The following WNT7B variants were observed in gnomAD, a reference collection of about 807,000 sequenced individuals.
WNT7B encodes the protein Wnt family member 7B.
Under a neutral mutation model 38.2 loss-of-function variants are expected in WNT7B, and 19 were observed. The observed-to-expected ratio is 0.50, with a 90% confidence interval of 0.35 to 0.73. WNT7B has a LOEUF of 0.73. WNT7B is among the 30% of genes least tolerant of loss of function. WNT7B has a pLI of 0.01. For missense variants in WNT7B, 423 were observed against 507.9 expected, an observed-to-expected ratio of 0.83 and a Z score of 1.61; for synonymous variants, 243 against 209.3, an observed-to-expected ratio of 1.16 and a Z score of -1.39.
At chr22:45,962,983 A>C (rs1932230791) in intron 1 of WNT7B, among the ~76,000 whole-genome samples, 1 of 152,174 alleles carries the variant, frequency 6.6e-6, no homozygotes, top group Non-Finnish European at 1.5e-5. Flanking sequence ...GCTGCCCTGG[A>C]CTTGGCTGAG....
At chr22:45,963,844 C>T (rs1569124317) in intron 1 of WNT7B, among the ~76,000 whole-genome samples, 1 of 152,200 alleles carries the variant, frequency 6.6e-6, no homozygotes. Flanking sequence ...AAGCAGGGGA[C>T]TCCCGCAACA....
intron 3 of WNT7B, chr22:45,926,287 T>G (rs1289990073): frequency 1.0e-6 from 1 of 985,270 alleles, no homozygotes; most frequent in East Asian, 1.1e-4. Context: ...AGAGACCACC[T>G]GGCAGGGCAC....
rs935852960 is a variant in WNT7B, at chr22:45,951,678, G to C, written c.72-1532C>G. 6.6e-6 allele frequency among the ~76,000 whole-genome samples: 1 copy of C among 152,166 alleles called. No homozygotes were observed. Among genetic ancestry groups the C allele is most frequent in the Non-Finnish European group, 1.5e-5 (1 of 68,042 alleles). ...CGTCTGGCTTCTTTCACTTAGCGTC[G>C]TGTTTTCAAGGGTCATCCACGTGGT... On this transcript the variant is annotated intron_variant, in intron 1 of 3. Coordinates refer to ENST00000339464, the MANE Select transcript of WNT7B (RefSeq NM_058238.3). This position sits in a 1 kb window ranked among gnomAD's most constrained non-coding sequence, Gnocchi z 4.8.
intron 3 of WNT7B, among the ~76,000 whole-genome samples, chr22:45,929,857 C>T (rs1401168623): frequency 1.5e-5 from 2 of 130,786 alleles, no homozygotes; most frequent in Non-Finnish European, 3.2e-5. Context: ...CCCACTCATC[C>T]TTCCATCCAT....
intron 1 of WNT7B, among the ~76,000 whole-genome samples, chr22:45,957,460 G>T (rs1932092247): frequency 6.6e-6 from 1 of 151,812 alleles, no homozygotes; most frequent in Non-Finnish European, 1.5e-5. Flanking sequence ...GAGGCGAGTG[G>T]GTCACCTAAG....
rs1377283656 is a variant in WNT7B, at chr22:45,965,805, C to T, written c.71+10879G>A. Among the ~76,000 whole-genome samples the T allele has an allele frequency of 1.3e-5, 2 of 152,210 alleles. No individual in the cohort carries two copies. The highest frequency in any genetic ancestry group is 4.8e-5 in the African/African-American group (2 of 41,452). On this transcript the variant is annotated intron_variant, in intron 1 of 3. Transcript: ENST00000339464. The surrounding 1 kb of genome is among the most constrained non-coding windows in gnomAD (Gnocchi z 6.5). ...ACCTTGAGACCCTCGCTCAGGGCCCCGGGGACTCTTGGTCAACACACAGTT... is the reference window on the plus strand; with the variant it reads ...ACCTTGAGACCCTCGCTCAGGGCCCTGGGGACTCTTGGTCAACACACAGTT...
chr22:45,938,077 A>G (rs1003030422), intron 2 of WNT7B, among the ~76,000 whole-genome samples: 4 of 152,194 alleles, frequency 2.6e-5, no homozygotes, highest in African/African-American at 9.7e-5. Context: ...AAGGACAAAG[A>G]CTAACGGGTG....
Position 45,921,785 on chromosome 22 carries a change from G to A in WNT7B, c.*1071C>T, listed in dbSNP as rs1479205998. 6.6e-6 allele frequency: 1 copy of A among 152,146 alleles called. No homozygotes were observed. Among genetic ancestry groups the A allele is most frequent in the Non-Finnish European group, 1.5e-5 (1 of 68,028 alleles). The allele number at this position is 152,146 out of a possible 1,614,324, so 9.4% of individuals were successfully genotyped here. A position where few individuals can be genotyped will look rare whatever the true frequency, so the allele number is the denominator to read the frequency against. ...TATTTTCTTTTCTTTTTTTGAGACA[G>A]AGTCGTGCTCTGTCACCCAAGTTGG... On this transcript the variant is annotated 3_prime_UTR_variant, in exon 4 of 4. Coordinates refer to ENST00000339464, the MANE Select transcript of WNT7B (RefSeq NM_058238.3).
chr22:45,926,381 G>GA, intron 3 of WNT7B: 2 of 985,412 alleles, frequency 2.0e-6, no homozygotes, highest in Non-Finnish European at 2.4e-6. Context: ...CGACGCTGGG[G>GA]GCCTGGTTGG....
At chr22:45,950,930 C>T (rs10448593) in intron 1 of WNT7B, among the ~76,000 whole-genome samples, 67,325 of 152,164 alleles carry the variant, frequency 0.44, 15,329 homozygotes, top group South Asian at 0.54. Context: ...CTTATTGCAA[C>T]ACTGCAGCCT....
intron 3 of WNT7B, among the ~76,000 whole-genome samples, chr22:45,930,419 T>G (rs1424044691): frequency 6.6e-6 from 1 of 152,224 alleles, no homozygotes; most frequent in Non-Finnish European, 1.5e-5. Context: ...GGCGTTCCAC[T>G]TGGCTGGCCA....
chr22:45,972,630 C>T (rs571172784), intron 1 of WNT7B: 1 of 152,594 alleles, frequency 6.6e-6, no homozygotes, highest in South Asian at 2.1e-4. Context: ...CCTCCCCCGG[C>T]GGGTTTTTTT....
intron 2 of WNT7B, among the ~76,000 whole-genome samples, chr22:45,943,650 C>T (rs1040998533): frequency 6.6e-6 from 1 of 152,178 alleles, no homozygotes; most frequent in Non-Finnish European, 1.5e-5. Context: ...TCCCTGAGAG[C>T]CTGCGGGCTT....
intron 2 of WNT7B, among the ~76,000 whole-genome samples, chr22:45,933,482 G>A (rs929959118): frequency 1.3e-5 from 2 of 152,078 alleles, no homozygotes; most frequent in African/African-American, 4.8e-5. Flanking sequence ...TGTGAAGTGG[G>A]GTATTAAACG....
At position 45,949,548 on chromosome 22, in the gene WNT7B, G is replaced by A. The variant is rs79743747; in HGVS notation, c.298+372C>T. Among the ~76,000 whole-genome samples, 1,079 of 151,946 alleles carry A rather than the reference G, an allele frequency of 7.1e-3. 17 individuals are homozygous for A. The highest frequency in any genetic ancestry group is 0.024 in the African/African-American group (989 of 41,404). On this transcript the variant is annotated intron_variant, in intron 2 of 3. Coordinates refer to ENST00000339464, the MANE Select transcript of WNT7B (RefSeq NM_058238.3). The stretch of plus-strand genomic sequence containing the variant: ...TGGAGGTTCTGCCAGAAGAGGTAAC[G>A]TGCCTCCCTCTACACGGCTGCTAGG...
chr22:45,927,399 T>C (rs753261259), intron 3 of WNT7B: 12 of 1,526,000 alleles, frequency 7.9e-6, no homozygotes, highest in Middle Eastern at 4.1e-4. Flanking sequence ...ATCTCACTCT[T>C]GCCCATCAGG....
chr22:45,961,149 C>T (rs1157062990), intron 1 of WNT7B, among the ~76,000 whole-genome samples: 2 of 152,228 alleles, frequency 1.3e-5, no homozygotes, highest in Non-Finnish European at 2.9e-5. Flanking sequence ...CAGAGCTGGG[C>T]GCGCCGGTGA....
intron 3 of WNT7B, among the ~76,000 whole-genome samples, chr22:45,924,711 G>T (rs1438332411): frequency 6.6e-6 from 1 of 151,240 alleles, no homozygotes; most frequent in African/African-American, 2.4e-5. Flanking sequence ...CATCAGGTGG[G>T]TGCCGGGTGG....
rs1930984136 is a variant in WNT7B, at chr22:45,923,281, A to G, written c.625T>C (p.Cys209Arg). Residue 209 changes from cysteine to arginine, a missense_variant, in exon 4 of 4, where the codon TGC becomes CGC. Cys to Arg is a radical substitution (Grantham distance 180, BLOSUM62 -3). This residue lies in a region of WNT7B where 158 missense variants were observed against 214.7 expected (regional missense o/e 0.74). Transcript: ENST00000339464. ...GTGGTCCAGCAGGTTTTGGTGGTGCAGGAGCCAGACACGCCGTGGCACTTG... is the reference window on the plus strand; with the variant it reads ...GTGGTCCAGCAGGTTTTGGTGGTGCGGGAGCCAGACACGCCGTGGCACTTG... ...ECKCHGVSGS[C>R]TTKTCWTTLP... is the part of the protein sequence containing the mutation. The G allele has an allele frequency of 6.2e-7, 1 of 1,613,142 alleles. No individual in the cohort carries two copies. Among genetic ancestry groups the G allele is most frequent in the Admixed American group, 1.7e-5 (1 of 59,980 alleles).
Sources: allele counts gnomAD v4.1 joint callset (sites outside exome capture counted in the v4.1 genomes callset), GRCh38; gene constraint gnomAD v4.1.1; regional missense constraint gnomAD v4.1.1; non-coding constraint Gnocchi (gnomAD v3.1); transcripts MANE v1.5; gene names NCBI Gene and HGNC (gene_info 2026-07-23, HGNC 2026-07-21).